The following MAN1A2 variants were observed in gnomAD, a reference collection of about 807,000 sequenced individuals.
The protein encoded by MAN1A2 is mannosyl-oligosaccharide 1,2-alpha-mannosidase IB.
MAN1A2 carries 26 observed loss-of-function variants against 75.7 expected under a neutral mutation model. That is an observed-to-expected ratio of 0.34 (90% confidence interval 0.25 to 0.48). The LOEUF (loss-of-function observed/expected upper bound fraction) is 0.48, where lower values mean the gene tolerates loss of function less well. Among genes scored for constraint, MAN1A2 ranks in the 20% least tolerant of loss-of-function variants. MAN1A2 has a pLI of 0.99. For synonymous variants in MAN1A2, 247 were observed against 264.6 expected, an observed-to-expected ratio of 0.93 and a Z score of 0.65; for missense variants, 562 against 775.5, an observed-to-expected ratio of 0.72 and a Z score of 3.27.
intron 1 of MAN1A2, among the ~76,000 whole-genome samples, chr1:117,400,039 T>A (rs1231116195): frequency 1.3e-5 from 2 of 152,124 alleles, no homozygotes; most frequent in African/African-American, 4.8e-5. Context: ...GCCTTGGATA[T>A]CTTATATAAG....
chr1:117,395,240 A>G (rs1256364710), intron 1 of MAN1A2, among the ~76,000 whole-genome samples: 2 of 152,242 alleles, frequency 1.3e-5, no homozygotes, highest in African/African-American at 4.8e-5. Flanking sequence ...CAGTATCTGC[A>G]CAGTAAGTGT....
intron 9 of MAN1A2, 132 bp from the exon 10 acceptor site, chr1:117,496,631 G>A (rs756012818): frequency 1.6e-6 from 1 of 632,354 alleles, no homozygotes; most frequent in East Asian, 2.8e-5. Context: ...TGTTAATTAA[G>A]TCTCAGTTTG....
At chr1:117,485,381 A>G (rs1650639248) in intron 8 of MAN1A2, among the ~76,000 whole-genome samples, 1 of 151,994 alleles carries the variant, frequency 6.6e-6, no homozygotes, top group Non-Finnish European at 1.5e-5. Context: ...CTTTCTTGAG[A>G]CCATAATGAA....
rs192074675 is a variant in MAN1A2 at position 117,514,190 on chromosome 1, C to G, written c.1794-8635C>G. On this transcript the variant is annotated intron_variant, in intron 12 of 12. Transcript: ENST00000356554. ...CCAGCCTGGCCAACATGGTGAAACCCCGTCTCTACTAAAAATACAAAAATT... is the reference window on the plus strand; with the variant it reads ...CCAGCCTGGCCAACATGGTGAAACCGCGTCTCTACTAAAAATACAAAAATT... Among the ~76,000 whole-genome samples the G allele has an allele frequency of 7.4e-3, 1,117 of 151,390 alleles. 18 individuals are homozygous for G. The highest frequency in any genetic ancestry group is 0.026 in the African/African-American group (1,069 of 41,350).
At chr1:117,382,001 T>A (rs1424475394) in intron 1 of MAN1A2, among the ~76,000 whole-genome samples, 4 of 152,142 alleles carry the variant, frequency 2.6e-5, no homozygotes, top group Admixed American at 1.3e-4. Context: ...GAAGTGTCTG[T>A]TCATATCCTT....
intron 3 of MAN1A2, among the ~76,000 whole-genome samples, chr1:117,408,238 T>C (rs1484282815): frequency 1.3e-5 from 2 of 150,028 alleles, no homozygotes; most frequent in East Asian, 3.9e-4. Context: ...ATGATCATGA[T>C]GCCTGTGAAT....
intron 9 of MAN1A2, among the ~76,000 whole-genome samples, chr1:117,496,255 G>A (rs1324069317): frequency 6.6e-6 from 1 of 151,884 alleles, no homozygotes; most frequent in Non-Finnish European, 1.5e-5. Context: ...GCTCATCTCA[G>A]CAAAGTCTAA....
chr1:117,434,747 CTGTGTGTGTGTGTGTGTGTGTGTGTGTG>C (rs61681259), intron 5 of MAN1A2, among the ~76,000 whole-genome samples: 1 of 135,336 alleles, frequency 7.4e-6, no homozygotes, highest in Non-Finnish European at 1.6e-5. Context: ...TTGGTTACAG[CTGTGTGTGTGTGTGTGTGTGTGTGTGTG>C]TGTGTGTGTG....
chr1:117,459,891 A>G (rs1264241335), intron 6 of MAN1A2, among the ~76,000 whole-genome samples: 7 of 152,170 alleles, frequency 4.6e-5, no homozygotes, highest in African/African-American at 1.4e-4. Flanking sequence ...ATTGTATGAT[A>G]CTGTCCCGAT....
At chr1:117,474,938 T>C (rs1650269898) in intron 8 of MAN1A2, among the ~76,000 whole-genome samples, 1 of 152,008 alleles carries the variant, frequency 6.6e-6, no homozygotes, top group South Asian at 2.1e-4. Flanking sequence ...CTTAGATAAA[T>C]GGCATCCTTT....
chr1:117,370,880 G>T lies in MAN1A2; in HGVS notation c.302+2395G>T, dbSNP rs148772815. ...TACTTAAGAGATACTTGTTTAGTTAGTATTTCTTTATTAATAGATTAGTAT... is the reference window on the plus strand; with the variant it reads ...TACTTAAGAGATACTTGTTTAGTTATTATTTCTTTATTAATAGATTAGTAT... On this transcript the variant is annotated intron_variant, in intron 1 of 12. Coordinates refer to ENST00000356554, the MANE Select transcript of MAN1A2 (RefSeq NM_006699.5). Among the ~76,000 whole-genome samples the T allele has an allele frequency of 8.6e-3, 1,311 of 152,144 alleles. 24 individuals are homozygous for T. The highest frequency in any genetic ancestry group is 0.03 in the African/African-American group (1,262 of 41,500).
chr1:117,407,046 G>C (rs984974582), intron 3 of MAN1A2, among the ~76,000 whole-genome samples: 2 of 152,006 alleles, frequency 1.3e-5, no homozygotes, highest in African/African-American at 2.4e-5. Flanking sequence ...TTTAAAGGTA[G>C]AAGAAAATTA....
intron 5 of MAN1A2, among the ~76,000 whole-genome samples, chr1:117,426,009 G>A (rs1570733068): frequency 6.6e-6 from 1 of 152,002 alleles, no homozygotes; most frequent in East Asian, 1.9e-4. Context: ...TATAGTATAG[G>A]TCTATTGGTA....
intron 1 of MAN1A2, among the ~76,000 whole-genome samples, chr1:117,385,838 T>G (rs1329064216): frequency 6.6e-6 from 1 of 152,080 alleles, no homozygotes; most frequent in African/African-American, 2.4e-5. Context: ...AGAACTAGGT[T>G]TAGTAAATAG....
chr1:117,448,976 A>G (rs1311860609), intron 6 of MAN1A2, among the ~76,000 whole-genome samples: 1 of 152,230 alleles, frequency 6.6e-6, no homozygotes, highest in Admixed American at 6.5e-5. Context: ...AATTGTCACA[A>G]TATTTTAAAA....
Position 117,431,342 on chromosome 1 carries a change from G to A in MAN1A2, c.855+10693G>A, listed in dbSNP as rs537165117. 3.3e-5 allele frequency among the ~76,000 whole-genome samples: 5 copies of A among 152,038 alleles called. No individual in the cohort carries two copies. In the South Asian group the frequency reaches 1.0e-3, roughly 32 times the overall value. On this transcript the variant is annotated intron_variant, in intron 5 of 12. Transcript: ENST00000356554. ...CAAATAACAGAGCTTTGAAATGTAT[G>A]AATCACAAATGGAAGAATTAAAAGG...
chr1:117,486,293 G>A (rs1650698745), intron 8 of MAN1A2, among the ~76,000 whole-genome samples: 1 of 151,798 alleles, frequency 6.6e-6, no homozygotes, highest in African/African-American at 2.4e-5. Flanking sequence ...TTAAGATATT[G>A]GTTACTTTTT....
chr1:117,422,974 A>T (rs1476644854), intron 5 of MAN1A2, among the ~76,000 whole-genome samples: 1 of 152,098 alleles, frequency 6.6e-6, no homozygotes, highest in Non-Finnish European at 1.5e-5. Flanking sequence ...TGTTTAAGAA[A>T]TGTTTGCCTA....
chr1:117,433,196 A>G (rs1473531086), intron 5 of MAN1A2, among the ~76,000 whole-genome samples: 1 of 152,024 alleles, frequency 6.6e-6, no homozygotes, highest in Non-Finnish European at 1.5e-5. Context: ...ATGCTCCAAA[A>G]TCCTAAACTT....
Sources: gnomAD v4.1 joint callset for allele counts (sites outside exome capture counted in the v4.1 genomes callset) on GRCh38, gnomAD v4.1.1 for gene constraint, MANE v1.5 for transcripts, NCBI Gene and HGNC (gene_info 2026-07-23, HGNC 2026-07-21) for gene names.